Variants in RANBP2 observed in about 807,000 individuals in gnomAD.
RANBP2 encodes the protein E3 SUMO-protein ligase RanBP2.
A neutral mutation model predicts 303.6 loss-of-function variants in RANBP2; 57 were observed. The ratio of observed to expected loss-of-function variants is 0.19; its 90% CI spans 0.15 to 0.23. The LOEUF is 0.23. Among genes scored for constraint, RANBP2 ranks in the 10% least tolerant of loss-of-function variants. RANBP2 has a pLI of 1.00. For synonymous variants in RANBP2, 1,167 were observed against 1,301.5 expected, an observed-to-expected ratio of 0.90 and a Z score of 2.23; for missense variants, 3,138 against 3,780.8, an observed-to-expected ratio of 0.83 and a Z score of 4.46.
At chr2:108,991,594 C>T in the RANBP2 span, among the ~76,000 whole-genome samples, 1 of 152,230 alleles carries the variant, frequency 6.6e-6, no homozygotes, top group Non-Finnish European at 1.5e-5. Flanking sequence ...TGCTCAAATG[C>T]ATGGCCAGGA....
the RANBP2 span, among the ~76,000 whole-genome samples, chr2:109,274,573 A>G: frequency 6.6e-6 from 1 of 152,246 alleles, no homozygotes; most frequent in East Asian, 1.9e-4. Flanking sequence ...TGAAGTATCC[A>G]GAATAGGTAA....
the RANBP2 span, among the ~76,000 whole-genome samples, chr2:108,974,865 C>T: frequency 2.6e-5 from 4 of 152,330 alleles, no homozygotes; most frequent in Admixed American, 6.5e-5. Context: ...AGCTGCCTCA[C>T]CAGGCCTGCC....
chr2:109,251,230 T>G, the RANBP2 span, among the ~76,000 whole-genome samples: 1 of 152,162 alleles, frequency 6.6e-6, no homozygotes, highest in Admixed American at 6.5e-5. Context: ...CTCGAACTCC[T>G]TACCTTGGGT....
chr2:109,067,300 T>A, the RANBP2 span, among the ~76,000 whole-genome samples: 3 of 152,178 alleles, frequency 2.0e-5, no homozygotes, highest in Non-Finnish European at 4.4e-5. Flanking sequence ...TATAATTACC[T>A]CTCCATCTAT....
At chr2:108,947,441 G>C in the RANBP2 span, among the ~76,000 whole-genome samples, 13 of 152,304 alleles carry the variant, frequency 8.5e-5, no homozygotes, top group Admixed American at 3.9e-4. Flanking sequence ...GACTCTGTGT[G>C]GGGGCTCCAA....
the RANBP2 span, among the ~76,000 whole-genome samples, chr2:108,870,326 A>C: frequency 6.6e-6 from 1 of 152,222 alleles, no homozygotes; most frequent in Admixed American, 6.5e-5. Context: ...AACAAAATCA[A>C]AGAAAAAAGA....
chr2:109,151,915 A>T, the RANBP2 span, among the ~76,000 whole-genome samples: 1 of 152,278 alleles, frequency 6.6e-6, no homozygotes, highest in Non-Finnish European at 1.5e-5. Context: ...TTTGGTTTGA[A>T]GTTAATATAA....
chr2:109,643,580 T>C, the RANBP2 span, among the ~76,000 whole-genome samples: 1 of 151,240 alleles, frequency 6.6e-6, no homozygotes, highest in Non-Finnish European at 1.5e-5. Context: ...GCCAACGTGG[T>C]GAAACCCCAT....
chr2:109,447,364 G>A, the RANBP2 span, among the ~76,000 whole-genome samples: 4 of 152,014 alleles, frequency 2.6e-5, no homozygotes, highest in South Asian at 2.1e-4. Flanking sequence ...TATGTCTCAC[G>A]GTGCTACTTC....
At chr2:108,888,014 C>T in the RANBP2 span, among the ~76,000 whole-genome samples, 2 of 151,844 alleles carry the variant, frequency 1.3e-5, no homozygotes, top group African/African-American at 2.4e-5. Flanking sequence ...TTGTCATAGC[C>T]TTTCTTATTT....
chr2:109,398,717 G>C, the RANBP2 span: 5 of 1,612,960 alleles, frequency 3.1e-6, no homozygotes, highest in Non-Finnish European at 4.2e-6. Context: ...CCCACTTTAA[G>C]CAGCTCAGGG....
the RANBP2 span, chr2:109,617,337 C>T: frequency 1.5e-4 from 25 of 167,008 alleles, no homozygotes; most frequent in Non-Finnish European, 1.5e-5. Context: ...ATGCTGCTGG[C>T]TATTCCTTTG....
At chr2:109,634,163 A>G in the RANBP2 span, among the ~76,000 whole-genome samples, 2 of 151,232 alleles carry the variant, frequency 1.3e-5, no homozygotes, top group African/African-American at 2.4e-5. Context: ...AAAAAGATAC[A>G]ATAGCTTTGA....
At chr2:108,779,385 G>C (rs1218465299) in intron 25 of RANBP2, among the ~76,000 whole-genome samples, 2 of 151,510 alleles carry the variant, frequency 1.3e-5, no homozygotes, top group Middle Eastern at 3.4e-3. Flanking sequence ...GGCTTGTCTC[G>C]AACTCCTGAC....
chr2:109,305,014 T>G, the RANBP2 span, among the ~76,000 whole-genome samples: 36 of 152,352 alleles, frequency 2.4e-4, no homozygotes, highest in Admixed American at 2.2e-3. Context: ...TCTGGATATC[T>G]GGTTTCACTG....
chr2:109,594,405 T>G, the RANBP2 span, among the ~76,000 whole-genome samples: 10 of 152,148 alleles, frequency 6.6e-5, no homozygotes, highest in Non-Finnish European at 1.2e-4. Context: ...AGAGAGGCTG[T>G]GCATGTCTAA....
the RANBP2 span, among the ~76,000 whole-genome samples, chr2:109,408,862 G>C: frequency 2.6e-5 from 4 of 152,192 alleles, no homozygotes; most frequent in South Asian, 8.3e-4. Flanking sequence ...GCACAGGGAG[G>C]GGGGTCCAGG....
the RANBP2 span, among the ~76,000 whole-genome samples, chr2:109,656,839 T>C: frequency 2.6e-5 from 4 of 152,140 alleles, no homozygotes; most frequent in African/African-American, 7.2e-5. Context: ...GGAAAAGAGA[T>C]AAATGGAGAG....
At chr2:109,082,572 TACAGGTGTGAGCCACC>T in the RANBP2 span, among the ~76,000 whole-genome samples, 33,170 of 151,928 alleles carry the variant, frequency 0.22, 4,282 homozygotes, top group Middle Eastern at 0.32. Context: ...GTGCTGGGAT[TACAGGTGTGAGCCACC>T]ACACCCGGCC....
Sources: gnomAD v4.1 joint callset for allele counts (sites outside exome capture counted in the v4.1 genomes callset) on GRCh38, gnomAD v4.1.1 for gene constraint, MANE v1.5 for transcripts, NCBI Gene and HGNC (gene_info 2026-07-23, HGNC 2026-07-21) for gene names.